FMO1: variants seen among roughly 807,000 people sequenced by gnomAD.
The protein encoded by FMO1 is flavin-containing monooxygenase 1.
Under a neutral mutation model 45.4 loss-of-function variants are expected in FMO1, and 36 were observed. The observed-to-expected ratio is 0.79, with a 90% CI of 0.61 to 1.05. The LOEUF is 1.05. Ranked by LOEUF, FMO1 falls within the 50% of genes least tolerant of loss-of-function variation. FMO1 has a pLI of 0.00. For missense variants in FMO1, 615 were observed against 640.3 expected, an observed-to-expected ratio of 0.96 and a Z score of 0.43; for synonymous variants, 228 against 227.2, an observed-to-expected ratio of 1.00 and a Z score of -0.03.
Position 171,275,435 on chromosome 1 carries a change from A to T in FMO1, c.411A>T (p.Ser137=). 6.2e-7 allele frequency: 1 copy of T among 1,613,852 alleles called. No homozygotes were observed. The highest frequency in any genetic ancestry group is 8.5e-7 in the Non-Finnish European group (1 of 1,179,758). The change falls in exon 4 of 9, where the codon TCA becomes TCT. Residue 137 remains serine (S), a synonymous_variant. Coordinates refer to ENST00000617670, the MANE Select transcript of FMO1 (RefSeq NM_001282693.2). ...VVTMHEEKQE[S]AIFDAVMVCT... ...CTATGCATGAAGAGAAGCAAGAGTC[A>T]GCCATCTTTGATGCTGTCATGGTCT... is the stretch of plus-strand genomic sequence containing the variant.
intron 3 of FMO1, among the ~76,000 whole-genome samples, chr1:171,271,801 G>A (rs1170542600): frequency 6.6e-6 from 1 of 152,180 alleles, no homozygotes; most frequent in Non-Finnish European, 1.5e-5. Context: ...GAGGTGACTT[G>A]GGTGCTGTTA....
intron 8 of FMO1, among the ~76,000 whole-genome samples, chr1:171,284,492 C>T (rs1467028422): frequency 6.6e-6 from 1 of 151,976 alleles, no homozygotes; most frequent in Non-Finnish European, 1.5e-5. Flanking sequence ...AATCCCAGCA[C>T]TTTGGGAGGC....
intron 3 of FMO1, chr1:171,270,816 T>TA (rs1284774025): frequency 3.3e-5 from 25 of 767,764 alleles, no homozygotes; most frequent in Non-Finnish European, 4.0e-5. Flanking sequence ...GTTAACTTTA[T>TA]AAAAAAAGAC....
chr1:171,283,092 C>T (rs376198073), intron 7 of FMO1, 52 bp from the exon 8 acceptor site: 245 of 934,120 alleles, frequency 2.6e-4, no homozygotes, highest in Middle Eastern at 1.9e-3. Context: ...CATAAGTCAA[C>T]AGCTAGACCT....
intron 3 of FMO1, among the ~76,000 whole-genome samples, chr1:171,273,191 C>T (rs1439896241): frequency 6.6e-6 from 1 of 152,158 alleles, no homozygotes; most frequent in African/African-American, 2.4e-5. Context: ...TAAGATATGA[C>T]TTGCTCCTCT....
chr1:171,284,165 G>T (rs189872582), intron 8 of FMO1, among the ~76,000 whole-genome samples: 2 of 131,172 alleles, frequency 1.5e-5, no homozygotes, highest in African/African-American at 6.5e-5. Context: ...TGAAATAAAG[G>T]TTCTGTGGCA....
At chr1:171,262,931 TG>T (rs1660436987) in intron 2 of FMO1, among the ~76,000 whole-genome samples, 1 of 152,190 alleles carries the variant, frequency 6.6e-6, no homozygotes, top group African/African-American at 2.4e-5. Context: ...GGGTGCCAGC[TG>T]TTTTAAGGAA....
intron 1 of FMO1, among the ~76,000 whole-genome samples, chr1:171,254,571 A>G (rs78473007): frequency 0.016 from 2,413 of 152,278 alleles, 63 homozygotes; most frequent in African/African-American, 0.055. Flanking sequence ...CATATACCTT[A>G]TATATACAGA....
chr1:171,251,328 AG>A (rs948204274), intron 1 of FMO1, among the ~76,000 whole-genome samples: 46 of 152,058 alleles, frequency 3.0e-4, no homozygotes, highest in African/African-American at 1.1e-3. Flanking sequence ...CTGGACTGGC[AG>A]GGCAGAATAT....
Position 171,271,187 on chromosome 1 carries a change from T to C in FMO1, c.321+3456T>C, listed in dbSNP as rs1242524426. On this transcript the variant is annotated intron_variant, in intron 3 of 8. Transcript: ENST00000617670. ...GGCTGCTTGTCTTCTGCAGCAGTGTTATTCCACATCTCTCCCAGTTTCTTC... is the reference window on the plus strand; with the variant it reads ...GGCTGCTTGTCTTCTGCAGCAGTGTCATTCCACATCTCTCCCAGTTTCTTC... 8 of 857,438 alleles carry C rather than the reference T, an allele frequency of 9.3e-6. No individual in the cohort carries two copies. In the East Asian group the frequency reaches 1.9e-4, roughly 21 times the overall value. 53.1% of individuals were successfully genotyped at this position (857,438 alleles called of 1,614,324 possible).
intron 3 of FMO1, among the ~76,000 whole-genome samples, chr1:171,273,707 A>C (rs918888249): frequency 4.6e-5 from 7 of 152,000 alleles, no homozygotes; most frequent in African/African-American, 1.4e-4. Flanking sequence ...AGTAGAGATA[A>C]GGTCTCACTA....
At chr1:171,270,855 C>G (rs1379119164) in intron 3 of FMO1, 1 of 693,990 alleles carries the variant, frequency 1.4e-6, no homozygotes, top group Non-Finnish European at 2.3e-6. Context: ...AAATCCTACA[C>G]AGACTTACAT....
rs987385384 is a variant in FMO1, at chr1:171,280,656, G to A, written c.628-130G>A. 20 of 691,864 alleles carry A rather than the reference G, an allele frequency of 2.9e-5. No individual in the cohort carries two copies. The African/African-American group carries it at 3.6e-4, about 12-fold the overall frequency. 42.9% of individuals were successfully genotyped at this position (691,864 alleles called of 1,614,324 possible). ...AAGTTAGAAGAACCAAGACTATCTT[G>A]TCAGGGGTGTATTTTGAGAGTGGCA... On this transcript the variant is annotated intron_variant, in intron 5 of 8. Transcript: ENST00000617670.
chr1:171,284,275 A>T (rs936761626), intron 8 of FMO1, among the ~76,000 whole-genome samples: 1 of 152,000 alleles, frequency 6.6e-6, no homozygotes, highest in South Asian at 2.1e-4. Context: ...TCAAGGGTTG[A>T]TCTATCCTTG....
intron 4 of FMO1, among the ~76,000 whole-genome samples, chr1:171,277,767 T>A (rs1661168454): frequency 6.6e-6 from 1 of 152,204 alleles, no homozygotes. Context: ...CCAAATGCTC[T>A]GTGTTGTGGT....
Position 171,282,004 on chromosome 1 carries a change from A to G in FMO1, c.854A>G (p.Asn285Ser). The G allele has an allele frequency of 6.2e-7, 1 of 1,610,196 alleles. No homozygotes were observed. Among genetic ancestry groups the G allele is most frequent in the Non-Finnish European group, 8.5e-7 (1 of 1,178,364 alleles). ...ACTCAGCTGAAAGAGTTTGTGCTAA[A>G]TGATGAGCTCCCAGGACGCATCATC... Reference protein sequence around the residue: ...DRTQLKEFVLNDELPGRIITG... With the variant: ...DRTQLKEFVLSDELPGRIITG... The change falls in exon 7 of 9, where the codon AAT becomes AGT. Residue 285 changes from asparagine to serine, a missense_variant. Coordinates refer to ENST00000617670, the MANE Select transcript of FMO1 (RefSeq NM_001282693.2).
intron 3 of FMO1, chr1:171,270,817 A>T (rs1447604187): frequency 2.4e-5 from 18 of 740,620 alleles, no homozygotes; most frequent in Admixed American, 7.1e-5. Context: ...TTAACTTTAT[A>T]AAAAAAGACA....
intron 2 of FMO1, among the ~76,000 whole-genome samples, chr1:171,260,935 AG>A (rs1481938434): frequency 1.1e-4 from 17 of 150,878 alleles, no homozygotes; most frequent in African/African-American, 3.6e-4. Flanking sequence ...AAAAAAAAAA[AG>A]AATATTGTGG....
intron 2 of FMO1, among the ~76,000 whole-genome samples, chr1:171,261,960 C>T (rs1308352495): frequency 6.6e-6 from 1 of 152,106 alleles, no homozygotes; most frequent in African/African-American, 2.4e-5. Flanking sequence ...CAAGTAGAGG[C>T]TGGACATGTG....
Sources: gnomAD v4.1 joint callset for allele counts (sites outside exome capture counted in the v4.1 genomes callset) on GRCh38, gnomAD v4.1.1 for gene constraint, MANE v1.5 for transcripts, NCBI Gene and HGNC (gene_info 2026-07-23, HGNC 2026-07-21) for gene names.